Variants in KBTBD12 observed in about 807,000 individuals in gnomAD.
KBTBD12 encodes the protein kelch repeat and BTB domain containing 12.
Under a neutral mutation model 58.7 loss-of-function variants are expected in KBTBD12, and 53 were observed. The ratio of observed to expected loss-of-function variants is 0.90; its 90% confidence interval spans 0.72 to 1.14. The LOEUF (loss-of-function observed/expected upper bound fraction) is 1.14. Ranked by LOEUF, KBTBD12 falls within the 50% of genes most tolerant of loss-of-function variation. The pLI, the probability that KBTBD12 is intolerant of heterozygous loss-of-function variation, is 0.00. For missense variants in KBTBD12, 704 were observed against 751.3 expected, an observed-to-expected ratio of 0.94 and a Z score of 0.74; for synonymous variants, 236 against 259.8, an observed-to-expected ratio of 0.91 and a Z score of 0.88.
intron 3 of KBTBD12, among the ~76,000 whole-genome samples, chr3:127,928,556 A>C (rs1282607317): frequency 6.6e-6 from 1 of 152,238 alleles, no homozygotes; most frequent in Non-Finnish European, 1.5e-5. Flanking sequence ...GAGAACCCAG[A>C]ATGCTGTTTC....
intron 1 of KBTBD12, among the ~76,000 whole-genome samples, chr3:127,917,510 C>T (rs2107584088): frequency 6.6e-6 from 1 of 152,224 alleles, no homozygotes; most frequent in South Asian, 2.1e-4. Flanking sequence ...GATTGGTGAT[C>T]AACTTAACTT....
At chr3:127,936,288 C>A (rs1168115412) in intron 4 of KBTBD12, among the ~76,000 whole-genome samples, 1 of 151,938 alleles carries the variant, frequency 6.6e-6, no homozygotes, top group African/African-American at 2.4e-5. Context: ...ATCTCTTGAA[C>A]CCGGGAGACA....
At chr3:127,920,127 C>T (rs1939362188) in intron 1 of KBTBD12, among the ~76,000 whole-genome samples, 1 of 152,038 alleles carries the variant, frequency 6.6e-6, no homozygotes, top group Admixed American at 6.5e-5. Context: ...TGTACAGATC[C>T]TTAAAGAATT....
rs570735162 is a variant in KBTBD12, at chr3:127,975,112, T to C, written c.1691-8985T>C. 2.6e-5 allele frequency among the ~76,000 whole-genome samples: 4 copies of C among 152,136 alleles called. No individual in the cohort carries two copies. The East Asian group carries it at 7.7e-4, about 29-fold the overall frequency. On this transcript the variant is annotated intron_variant, in intron 5 of 5. Transcript: ENST00000405109. Reference sequence around the variant, plus strand: ...ACTAAGAGGGGAGAAGAGAGTAAGATGGGAAAGGAGGGGCGCCAGGAGAGC... The same window carrying C: ...ACTAAGAGGGGAGAAGAGAGTAAGACGGGAAAGGAGGGGCGCCAGGAGAGC...
At chr3:127,916,874 A>G (rs1354435756) in intron 1 of KBTBD12, among the ~76,000 whole-genome samples, 21 of 152,196 alleles carry the variant, frequency 1.4e-4, no homozygotes, top group Admixed American at 8.5e-4. Flanking sequence ...GCATCACGCT[A>G]TAAGCAAGGG....
At chr3:127,970,981 T>C (rs1453263291) in intron 5 of KBTBD12, among the ~76,000 whole-genome samples, 2 of 152,188 alleles carry the variant, frequency 1.3e-5, no homozygotes, top group African/African-American at 4.8e-5. Context: ...AGTGAAAAAG[T>C]CAGAACTCCT....
rs776851326 is a variant in KBTBD12 at position 127,923,214 on chromosome 3, A to T, written c.153A>T (p.Ala51=). ...CTTGCCACAGACTGGTCCTGGCTGC[A>T]TTTAGCCCTTATTTCAAAGCTATGT... ...KFPCHRLVLA[A]FSPYFKAMFT... is the part of the protein sequence containing the mutation. The change falls in exon 2 of 6, where the codon GCA becomes GCT. Residue 51 remains alanine (A), a synonymous_variant. Coordinates refer to ENST00000405109, the MANE Select transcript of KBTBD12 (RefSeq NM_207335.4). The T allele has an allele frequency of 6.2e-7, 1 of 1,613,898 alleles. No homozygotes were observed. The highest frequency in any genetic ancestry group is 1.1e-5 in the South Asian group (1 of 91,072).
At chr3:127,937,175 C>A (rs1576377175) in intron 4 of KBTBD12, among the ~76,000 whole-genome samples, 1 of 6,814 alleles carries the variant, frequency 1.5e-4, no homozygotes, top group South Asian at 4.8e-3. Context: ...GGCCAGAAAA[C>A]AACAACAACA....
At chr3:127,979,960 A>G (rs551044958) in intron 5 of KBTBD12, among the ~76,000 whole-genome samples, 2 of 152,362 alleles carry the variant, frequency 1.3e-5, no homozygotes, top group South Asian at 2.1e-4. Flanking sequence ...GTGCACATGC[A>G]TGTACTAACA....
At chr3:127,957,823 C>A (rs908387555) in intron 4 of KBTBD12, among the ~76,000 whole-genome samples, 89 of 152,122 alleles carry the variant, frequency 5.9e-4, no homozygotes, top group Non-Finnish European at 3.1e-4. Context: ...TCTCATCTAA[C>A]AAGGCAACAT....
intron 5 of KBTBD12, among the ~76,000 whole-genome samples, chr3:127,978,782 A>C (rs549549971): frequency 5.9e-5 from 9 of 152,304 alleles, no homozygotes; most frequent in African/African-American, 2.2e-4. Flanking sequence ...TCTACTGGCC[A>C]CGTCACCTTG....
At chr3:127,973,303 C>G (rs974979031) in intron 5 of KBTBD12, among the ~76,000 whole-genome samples, 1 of 151,872 alleles carries the variant, frequency 6.6e-6, no homozygotes, top group Non-Finnish European at 1.5e-5. Flanking sequence ...GAAAACTGAC[C>G]CTGACTCAAA....
At chr3:127,944,199 GT>G (rs1227807203) in intron 4 of KBTBD12, among the ~76,000 whole-genome samples, 2 of 152,016 alleles carry the variant, frequency 1.3e-5, no homozygotes, top group Non-Finnish European at 2.9e-5. Flanking sequence ...TTTTAGAATA[GT>G]TTTTTTCTAT....
At chr3:127,943,015 A>G (rs1165393430) in intron 4 of KBTBD12, among the ~76,000 whole-genome samples, 1 of 152,142 alleles carries the variant, frequency 6.6e-6, no homozygotes, top group Non-Finnish European at 1.5e-5. Context: ...AGAACTCACC[A>G]CTTTGAAAAC....
At position 127,960,727 on chromosome 3, in the gene KBTBD12, T is replaced by C. The variant is rs115491183; in HGVS notation, c.1493-2462T>C. 6.8e-3 allele frequency among the ~76,000 whole-genome samples: 1,042 copies of C among 152,332 alleles called. 9 individuals are homozygous for C. The highest frequency in any genetic ancestry group is 0.023 in the African/African-American group (973 of 41,560). ...GTGAGACAGAGAATGTGTTCAGGCATTAATGGTCAGAAACAAAGACAGAGC... is the reference window on the plus strand; with the variant it reads ...GTGAGACAGAGAATGTGTTCAGGCACTAATGGTCAGAAACAAAGACAGAGC... On this transcript the variant is annotated intron_variant, in intron 4 of 5. Transcript: ENST00000405109.
At position 127,961,057 on chromosome 3, in the gene KBTBD12, C is replaced by G. The variant is rs114343922; in HGVS notation, c.1493-2132C>G. 1.5e-3 allele frequency among the ~76,000 whole-genome samples: 227 copies of G among 152,304 alleles called. 2 individuals are homozygous for G. Among genetic ancestry groups the G allele is most frequent in the African/African-American group, 5.1e-3 (213 of 41,558 alleles). On this transcript the variant is annotated intron_variant, in intron 4 of 5. Coordinates refer to ENST00000405109, the MANE Select transcript of KBTBD12 (RefSeq NM_207335.4). ...TGACTCGCATTTGACCTCTTTGCTT[C>G]CACTTGCTGGTCTTCTGGAGGAGCT...
At chr3:127,934,540 G>C (rs925249643) in intron 4 of KBTBD12, among the ~76,000 whole-genome samples, 19 of 152,076 alleles carry the variant, frequency 1.2e-4, no homozygotes, top group Non-Finnish European at 2.4e-4. Context: ...AAATTTGATG[G>C]GGAAACATTA....
intron 5 of KBTBD12, among the ~76,000 whole-genome samples, chr3:127,983,658 CG>C: frequency 6.6e-6 from 1 of 152,032 alleles, no homozygotes; most frequent in Middle Eastern, 3.4e-3. Flanking sequence ...GAGGGTGAGG[CG>C]GGAGAATTGC....
intron 5 of KBTBD12, among the ~76,000 whole-genome samples, chr3:127,983,729 G>A (rs553178380): frequency 1.3e-5 from 2 of 151,470 alleles, no homozygotes; most frequent in South Asian, 4.2e-4. Flanking sequence ...TCCAGCCTGG[G>A]TGACAGAGCA....
Sources: gnomAD v4.1 joint callset for allele counts (sites outside exome capture counted in the v4.1 genomes callset) on GRCh38, gnomAD v4.1.1 for gene constraint, MANE v1.5 for transcripts, NCBI Gene and HGNC (gene_info 2026-07-23, HGNC 2026-07-21) for gene names.